The following SLC49A4 variants were observed in gnomAD, a reference collection of about 807,000 sequenced individuals.
SLC49A4 encodes the protein solute carrier family 49 member 4, also known as disrupted in renal cancer protein 2.
In SLC49A4, 36 loss-of-function variants were observed where a neutral mutation model predicts 50.6. The observed-to-expected ratio is 0.71, with a 90% confidence interval of 0.55 to 0.94. The LOEUF (loss-of-function observed/expected upper bound fraction) is 0.94, where lower values mean the gene tolerates loss of function less well. SLC49A4 is among the 40% of genes least tolerant of loss of function. The probability of loss-of-function intolerance (pLI) is 0.00; values close to 1 mark genes in which losing one functional copy is unlikely to be tolerated. For synonymous variants in SLC49A4, 248 were observed against 241.2 expected (o/e 1.03, Z -0.26); for missense variants, 503 against 605.7 (o/e 0.83, Z 1.78).
chr3:122,811,704 A>G (rs912549042), intron 2 of SLC49A4, among the ~76,000 whole-genome samples: 2 of 152,230 alleles, frequency 1.3e-5, no homozygotes, highest in African/African-American at 2.4e-5. Flanking sequence ...GCAGTATATC[A>G]TGGAATCATA....
intron 4 of SLC49A4, among the ~76,000 whole-genome samples, chr3:122,839,362 G>A (rs1426851461): frequency 1.3e-5 from 2 of 151,982 alleles, no homozygotes; most frequent in African/African-American, 4.8e-5. Flanking sequence ...TACCCCAAAA[G>A]CAAATGCAAC....
chr3:122,866,013 G>C (rs1319270459), intron 7 of SLC49A4, among the ~76,000 whole-genome samples: 1 of 151,848 alleles, frequency 6.6e-6, no homozygotes. Context: ...TTTCCACCAA[G>C]AAGCACCTAC....
In SLC49A4 at chr3:122,795,483, G is replaced by T; in HGVS notation, c.291G>T (p.Gly97=). 6.2e-7 allele frequency: 1 copy of T among 1,605,392 alleles called. No homozygotes were observed. Among genetic ancestry groups the T allele is most frequent in the Non-Finnish European group, 8.5e-7 (1 of 1,178,946 alleles). ...ACATCGCGCTGCTCGTGCTGTGGGG[G>T]CCCATCGGCTTCCTGCCCTGCTTCG... ...SWDIALLVLW[G]PIGFLPCFAF... is the part of the protein sequence containing the mutation. Residue 97 remains glycine (G), a synonymous_variant, in exon 1 of 9, where the codon GGG becomes GGT. Coordinates refer to ENST00000261038, the MANE Select transcript of SLC49A4 (RefSeq NM_032839.3).
intron 7 of SLC49A4, among the ~76,000 whole-genome samples, chr3:122,862,255 G>A (rs966848789): frequency 1.1e-4 from 16 of 152,122 alleles, no homozygotes; most frequent in African/African-American, 3.6e-4. Flanking sequence ...GTGATTAATG[G>A]GATTGTTAGC....
At chr3:122,833,149 G>T (rs1936629630) in intron 3 of SLC49A4, among the ~76,000 whole-genome samples, 168 bp from the exon 4 acceptor site, 1 of 152,176 alleles carries the variant, frequency 6.6e-6, no homozygotes, top group African/African-American at 2.4e-5. Context: ...GCTGAGGCAG[G>T]AGGATCACTT....
chr3:122,873,488 T>C (rs1409708862), intron 8 of SLC49A4, among the ~76,000 whole-genome samples: 1 of 152,198 alleles, frequency 6.6e-6, no homozygotes, highest in African/African-American at 2.4e-5. Flanking sequence ...CCAGAAACTT[T>C]CAAAGCCAGT....
chr3:122,877,704 T>C (rs1412741750), intron 8 of SLC49A4, among the ~76,000 whole-genome samples: 1 of 152,222 alleles, frequency 6.6e-6, no homozygotes, highest in Non-Finnish European at 1.5e-5. Context: ...AACAAAATGC[T>C]ATTGTCTATA....
chr3:122,860,041 C>A (rs371804803), intron 6 of SLC49A4, 34 bp from the exon 7 acceptor site: 7 of 1,550,042 alleles, frequency 4.5e-6, no homozygotes, highest in Non-Finnish European at 6.1e-6. Context: ...ATTTTTAAAT[C>A]CCACTAGAAT....
chr3:122,800,997 G>T (rs1369424895), intron 1 of SLC49A4, among the ~76,000 whole-genome samples: 1 of 152,210 alleles, frequency 6.6e-6, no homozygotes, highest in Non-Finnish European at 1.5e-5. Flanking sequence ...CAGCATGGTT[G>T]TGTGTTTCCC....
chr3:122,850,771 G>A (rs1159958167), intron 5 of SLC49A4, among the ~76,000 whole-genome samples: 1 of 152,190 alleles, frequency 6.6e-6, no homozygotes, highest in Non-Finnish European at 1.5e-5. Context: ...CTCCCAAAGT[G>A]TGGGCCATGT....
intron 2 of SLC49A4, among the ~76,000 whole-genome samples, chr3:122,814,752 AT>A (rs1936341415): frequency 6.6e-6 from 1 of 151,314 alleles, no homozygotes; most frequent in Non-Finnish European, 1.5e-5. Flanking sequence ...TTCTTAAAAC[AT>A]TTTTTTGTGT....
At chr3:122,863,039 G>A (rs192852377) in intron 7 of SLC49A4, among the ~76,000 whole-genome samples, 36 of 152,314 alleles carry the variant, frequency 2.4e-4, no homozygotes, top group Admixed American at 2.2e-3. Context: ...ATTAAGGCCA[G>A]AATTGAAAGA....
At chr3:122,834,942 A>T (rs1466455473) in intron 4 of SLC49A4, among the ~76,000 whole-genome samples, 3 of 152,212 alleles carry the variant, frequency 2.0e-5, no homozygotes, top group Non-Finnish European at 4.4e-5. Context: ...CACAAACTAG[A>T]AAATCTAGGG....
At chr3:122,811,636 TG>T (rs1210484555) in intron 2 of SLC49A4, among the ~76,000 whole-genome samples, 1 of 152,216 alleles carries the variant, frequency 6.6e-6, no homozygotes. Context: ...CAGCTTTGCT[TG>T]TAATAGCAGA....
chr3:122,863,250 A>G (rs758026024), intron 7 of SLC49A4, among the ~76,000 whole-genome samples: 1 of 152,178 alleles, frequency 6.6e-6, no homozygotes, highest in Non-Finnish European at 1.5e-5. Flanking sequence ...CCCTAATACT[A>G]CTTAATAGTT....
intron 1 of SLC49A4, among the ~76,000 whole-genome samples, chr3:122,804,580 A>T (rs1936182891): frequency 6.6e-6 from 1 of 152,242 alleles, no homozygotes; most frequent in African/African-American, 2.4e-5. Flanking sequence ...GATAGATTAA[A>T]CAACACTTGG....
In SLC49A4 at chr3:122,860,361, A is replaced by G. The variant is rs555067515; in HGVS notation, c.1138+159A>G. Reference sequence around the variant, plus strand: ...CATCAAACCATCATCTTATCTAAAGAGTCCAAAAAATAACTAAAAATATTT... The same window carrying G: ...CATCAAACCATCATCTTATCTAAAGGGTCCAAAAAATAACTAAAAATATTT... On this transcript the variant is annotated intron_variant, in intron 7 of 8. Transcript: ENST00000261038. Among the ~76,000 whole-genome samples, 10 of 152,364 alleles carry G rather than the reference A, an allele frequency of 6.6e-5. No homozygotes were observed. The East Asian group carries it at 1.9e-3, about 29-fold the overall frequency.
At chr3:122,803,473 C>CT (rs746539942) in intron 1 of SLC49A4, among the ~76,000 whole-genome samples, 1 of 152,054 alleles carries the variant, frequency 6.6e-6, no homozygotes, top group African/African-American at 2.4e-5. Flanking sequence ...AATCTTGAAT[C>CT]TTTTGTGTCT....
intron 2 of SLC49A4, among the ~76,000 whole-genome samples, chr3:122,808,635 T>C (rs1936256507): frequency 6.6e-6 from 1 of 152,150 alleles, no homozygotes; most frequent in Non-Finnish European, 1.5e-5. Flanking sequence ...CAGCTTTTTC[T>C]GAGCTAGGAA....
Sources: allele counts gnomAD v4.1 joint callset (sites outside exome capture counted in the v4.1 genomes callset), GRCh38; gene constraint gnomAD v4.1.1; transcripts MANE v1.5; gene names NCBI Gene and HGNC (gene_info 2026-07-23, HGNC 2026-07-21).